The following RPH3AL variants were observed in gnomAD, a reference collection of about 807,000 sequenced individuals.
The protein encoded by RPH3AL is rabphilin 3A like (without C2 domains), also known as rab effector Noc2.
RPH3AL carries 38 observed loss-of-function variants against 43.1 expected under a neutral mutation model. The observed-to-expected ratio is 0.88, with a 90% confidence interval of 0.68 to 1.15. RPH3AL has a LOEUF of 1.15. Ranked by LOEUF, RPH3AL falls within the 50% of genes most tolerant of loss-of-function variation. The pLI, the probability that RPH3AL is intolerant of heterozygous loss-of-function variation, is 0.00. For missense variants in RPH3AL, 462 were observed against 423.2 expected, an observed-to-expected ratio of 1.09 and a Z score of -0.81; for synonymous variants, 189 against 176.3, an observed-to-expected ratio of 1.07 and a Z score of -0.57.
In RPH3AL at chr17:246,830, G is replaced by A. The variant is rs2041776370; in HGVS notation, c.613+281C>T. On this transcript the variant is annotated intron_variant, in intron 7 of 9. Transcript: ENST00000331302. This position sits in a 1 kb window ranked among gnomAD's most constrained non-coding sequence, Gnocchi z 4.8. ...CATTTCTGTGAAGATGCGTAGTGCT[G>A]CTCATGGCATCCTTGCCCCCAGAGC... Among the ~76,000 whole-genome samples the A allele has an allele frequency of 6.6e-6, 1 of 152,232 alleles. No homozygotes were observed. The highest frequency in any genetic ancestry group is 6.5e-5 in the Admixed American group (1 of 15,288).
chr17:310,433 A>G lies in RPH3AL; in HGVS notation c.351+8987T>C, dbSNP rs538652735. On this transcript the variant is annotated intron_variant, in intron 5 of 9. Coordinates refer to ENST00000331302, the MANE Select transcript of RPH3AL (RefSeq NM_006987.4). The stretch of plus-strand genomic sequence containing the variant: ...ACCTGAGGCTCTGTCCTCCCCAACC[A>G]TGCCTGGGCCTGGATGCTTCCCACG... Among the ~76,000 whole-genome samples, 58 of 152,086 alleles carry G rather than the reference A, an allele frequency of 3.8e-4. No homozygotes were observed. The South Asian group carries it at 0.012, about 31-fold the overall frequency.
chr17:303,293 A>C (rs909987619), intron 5 of RPH3AL, among the ~76,000 whole-genome samples: 3 of 152,010 alleles, frequency 2.0e-5, no homozygotes, highest in Non-Finnish European at 4.4e-5. Context: ...CGGGAGGCTG[A>C]GGTGGGAGGA....
chr17:270,403 C>T (rs1000005873), intron 6 of RPH3AL, among the ~76,000 whole-genome samples: 2 of 152,310 alleles, frequency 1.3e-5, no homozygotes, highest in African/African-American at 4.8e-5. Context: ...GGCCAGTTCC[C>T]ACCAGCGGCT....
In RPH3AL at chr17:252,007, C is replaced by T. The variant is rs1207413342; in HGVS notation, c.439-4722G>A. ...TTTTTTTTTGAGACAGGGTCTTGCT[C>T]TGTCACCCAGGACGGAGTGCAGTGG... On this transcript the variant is annotated intron_variant, in intron 6 of 9. Transcript: ENST00000331302. 2.0e-5 allele frequency among the ~76,000 whole-genome samples: 3 copies of T among 146,658 alleles called. No individual in the cohort carries two copies. The Admixed American group carries it at 2.1e-4, about 10-fold the overall frequency.
rs1320995659 is a variant in RPH3AL, at chr17:290,642, C to T, written c.352-8788G>A. Among the ~76,000 whole-genome samples the T allele has an allele frequency of 1.3e-5, 2 of 151,876 alleles. No individual in the cohort carries two copies. The highest frequency in any genetic ancestry group is 1.3e-4 in the Admixed American group (2 of 15,252). On this transcript the variant is annotated intron_variant, in intron 5 of 9. Transcript: ENST00000331302. The surrounding 1 kb of genome is among the most constrained non-coding windows in gnomAD (Gnocchi z 4.2). ...CGACAGAAGGTTCTGCTGGGCCACTCCAAAGTTCAGGTACTTCATGCCCAG... is the reference window on the plus strand; with the variant it reads ...CGACAGAAGGTTCTGCTGGGCCACTTCAAAGTTCAGGTACTTCATGCCCAG...
At chr17:327,607 G>A (rs2044649252) in intron 2 of RPH3AL, 28 bp from the exon 3 acceptor site, 2 of 1,483,788 alleles carry the variant, frequency 1.3e-6, no homozygotes, top group South Asian at 2.3e-5. Flanking sequence ...AGACGAAAGA[G>A]TGTGCATCAT....
chr17:352,638 A>C (rs760144098), intron 1 of RPH3AL, 74 bp downstream of exon 1: 6 of 152,256 alleles, frequency 3.9e-5, no homozygotes, highest in Non-Finnish European at 7.3e-5. Flanking sequence ...CCCTGCATGA[A>C]CTGGGCCCCT....
intron 1 of RPH3AL, among the ~76,000 whole-genome samples, chr17:345,723 C>A (rs1393088114): frequency 8.3e-6 from 1 of 120,342 alleles, no homozygotes; most frequent in Non-Finnish European, 1.9e-5. Context: ...TGCGTGCATA[C>A]CCTACTGGGG....
chr17:268,084 T>C (rs891369619), intron 6 of RPH3AL, among the ~76,000 whole-genome samples: 2 of 152,206 alleles, frequency 1.3e-5, no homozygotes, highest in Non-Finnish European at 1.5e-5. Context: ...AAACCTTGTA[T>C]GTATGTATGC....
intron 1 of RPH3AL, 112 bp downstream of exon 1, chr17:352,600 C>G (rs1359647128): frequency 6.6e-6 from 1 of 152,260 alleles, no homozygotes; most frequent in Non-Finnish European, 1.5e-5. Flanking sequence ...AACCTTTTCC[C>G]CGGAAGTTAG....
rs575877283 is a variant in RPH3AL, at chr17:283,053, G to A, written c.352-1199C>T. 1.4e-4 allele frequency among the ~76,000 whole-genome samples: 22 copies of A among 152,310 alleles called. No homozygotes were observed. The highest frequency in any genetic ancestry group is 2.6e-4 in the Non-Finnish European group (18 of 68,038). ...CTGAGACCGGCTCCAGGCTAACCCA[G>A]GCAGAGTCTGATTCAGCGATCGCTG... On this transcript the variant is annotated intron_variant, in intron 5 of 9. Coordinates refer to ENST00000331302, the MANE Select transcript of RPH3AL (RefSeq NM_006987.4). This position sits in a 1 kb window ranked among gnomAD's most constrained non-coding sequence, Gnocchi z 4.2.
chr17:343,967 GTCA>G (rs1189644772), intron 1 of RPH3AL, among the ~76,000 whole-genome samples: 4 of 74,898 alleles, frequency 5.3e-5, no homozygotes, highest in Admixed American at 4.4e-4. Flanking sequence ...ATCACCATCA[GTCA>G]TCATCATTAC....
intron 5 of RPH3AL, among the ~76,000 whole-genome samples, chr17:302,643 T>C (rs1173877218): frequency 6.6e-6 from 1 of 151,980 alleles, no homozygotes; most frequent in Admixed American, 6.6e-5. Context: ...GGCCCGGCCC[T>C]CCCGGCTGCC....
At chr17:271,453 G>A (rs1364639838) in intron 6 of RPH3AL, among the ~76,000 whole-genome samples, 2 of 152,096 alleles carry the variant, frequency 1.3e-5, no homozygotes, top group African/African-American at 2.4e-5. Context: ...TTATTTTGTT[G>A]AGCAGTGGTT....
At chr17:325,543 T>C (rs550678733) in intron 3 of RPH3AL, among the ~76,000 whole-genome samples, 1 of 152,244 alleles carries the variant, frequency 6.6e-6, no homozygotes, top group East Asian at 1.9e-4. Flanking sequence ...CCATCTAACA[T>C]TGGCCCATCT....
chr17:300,295 T>C (rs2043295860), intron 5 of RPH3AL, among the ~76,000 whole-genome samples: 1 of 65,638 alleles, frequency 1.5e-5, no homozygotes, highest in Non-Finnish European at 3.0e-5. Context: ...AGCCTAGACC[T>C]GCAGAATCTC....
intron 5 of RPH3AL, among the ~76,000 whole-genome samples, chr17:308,581 T>C (rs909095144): frequency 6.6e-5 from 10 of 152,104 alleles, no homozygotes; most frequent in African/African-American, 2.4e-4. Context: ...ATACACAAAG[T>C]GGGGTATGCA....
chr17:241,876 G>A (rs895250564), intron 7 of RPH3AL, among the ~76,000 whole-genome samples: 1 of 152,242 alleles, frequency 6.6e-6, no homozygotes, highest in Non-Finnish European at 1.5e-5. Flanking sequence ...CGCACTTTGG[G>A]AGGCCGAGGC....
rs2041089752 is a variant in RPH3AL, at chr17:225,586, T to C, written c.614-5850A>G. 6.6e-6 allele frequency among the ~76,000 whole-genome samples: 1 copy of C among 152,156 alleles called. No individual in the cohort carries two copies. Among genetic ancestry groups the C allele is most frequent in the Admixed American group, 6.5e-5 (1 of 15,286 alleles). ...CAGCTACAGTGAAATTAGAGGCCTGTGGCTCACACTTCCCGGGAGCAGGGA... is the reference window on the plus strand; with the variant it reads ...CAGCTACAGTGAAATTAGAGGCCTGCGGCTCACACTTCCCGGGAGCAGGGA... On this transcript the variant is annotated intron_variant, in intron 7 of 9. Coordinates refer to ENST00000331302, the MANE Select transcript of RPH3AL (RefSeq NM_006987.4). This position sits in a 1 kb window ranked among gnomAD's most constrained non-coding sequence, Gnocchi z 4.4.
Sources: gnomAD v4.1 joint callset for allele counts (sites outside exome capture counted in the v4.1 genomes callset) on GRCh38, gnomAD v4.1.1 for gene constraint, Gnocchi (gnomAD v3.1) non-coding constraint, MANE v1.5 for transcripts, NCBI Gene and HGNC (gene_info 2026-07-23, HGNC 2026-07-21) for gene names.